The following MYO5B variants were observed in gnomAD, a reference collection of about 807,000 sequenced individuals.
The protein encoded by MYO5B is myosin VB, also known as unconventional myosin-Vb.
A neutral mutation model predicts 229.3 loss-of-function variants in MYO5B; 143 were observed. That is an observed-to-expected ratio of 0.62 (90% confidence interval 0.54 to 0.72). MYO5B has a LOEUF of 0.72. Among genes scored for constraint, MYO5B ranks in the 30% least tolerant of loss-of-function variants. The probability of loss-of-function intolerance (pLI) is 0.00; values close to 1 mark genes in which losing one functional copy is unlikely to be tolerated. For synonymous variants in MYO5B, 918 were observed against 885.2 expected, an observed-to-expected ratio of 1.04 and a Z score of -0.66; for missense variants, 2,321 against 2,331.0, an observed-to-expected ratio of 1.00 and a Z score of 0.09.
Position 49,837,805 on chromosome 18 carries a change from G to T in MYO5B, c.4853-3C>A. ...CTCATTTTCCAACATGGCAGAAACTGAAATAAAAGCACAGTTAGAGAAGCT... is the reference window on the plus strand; with the variant it reads ...CTCATTTTCCAACATGGCAGAAACTTAAATAAAAGCACAGTTAGAGAAGCT... On this transcript the variant is annotated splice_polypyrimidine_tract_variant and splice_region_variant and intron_variant, in intron 36 of 39. Coordinates refer to ENST00000285039, the MANE Select transcript of MYO5B (RefSeq NM_001080467.3). 6.2e-7 allele frequency: 1 copy of T among 1,613,924 alleles called. No individual in the cohort carries two copies. The highest frequency in any genetic ancestry group is 1.1e-5 in the South Asian group (1 of 91,034).
At chr18:50,120,039 C>A (rs1400412944) in intron 1 of MYO5B, among the ~76,000 whole-genome samples, 1 of 152,162 alleles carries the variant, frequency 6.6e-6, no homozygotes, top group Non-Finnish European at 1.5e-5. Flanking sequence ...CTAAAAAAGG[C>A]ATTAAACAGA....
At chr18:50,000,602 T>G (rs2026035602) in intron 5 of MYO5B, among the ~76,000 whole-genome samples, 2 of 152,220 alleles carry the variant, frequency 1.3e-5, no homozygotes, top group Non-Finnish European at 2.9e-5. Flanking sequence ...TAGCAAGATC[T>G]AGTTTTTAGC....
chr18:50,086,593 T>C (rs1480606412), intron 1 of MYO5B, among the ~76,000 whole-genome samples: 1 of 152,202 alleles, frequency 6.6e-6, no homozygotes. Flanking sequence ...ATGTGTACCA[T>C]ACACTGTGCA....
chr18:49,904,155 T>G (rs2024873817), intron 20 of MYO5B, among the ~76,000 whole-genome samples: 1 of 152,234 alleles, frequency 6.6e-6, no homozygotes, highest in African/African-American at 2.4e-5. Flanking sequence ...ATCCCCTATG[T>G]TGGAGATGGA....
intron 14 of MYO5B, among the ~76,000 whole-genome samples, chr18:49,951,878 A>G (rs1443676967): frequency 6.6e-6 from 1 of 152,160 alleles, no homozygotes; most frequent in East Asian, 1.9e-4. Context: ...GCTCCTCCCT[A>G]TGCCACCATC....
intron 9 of MYO5B, among the ~76,000 whole-genome samples, chr18:49,978,479 CCTCA>C (rs1452901846): frequency 2.0e-5 from 3 of 151,978 alleles, no homozygotes; most frequent in African/African-American, 4.8e-5. Flanking sequence ...TAACCATCAG[CCTCA>C]CTAAGATCTC....
chr18:50,013,163 A>G (rs1410866620), intron 4 of MYO5B, among the ~76,000 whole-genome samples: 1 of 152,238 alleles, frequency 6.6e-6, no homozygotes, highest in East Asian at 1.9e-4. Flanking sequence ...AGTGGGCCAG[A>G]AAAGACCCAA....
chr18:49,877,515 CCTT>C (rs1568622230), intron 25 of MYO5B, among the ~76,000 whole-genome samples: 1 of 152,162 alleles, frequency 6.6e-6, no homozygotes, highest in Non-Finnish European at 1.5e-5. Context: ...CAGAGATCCA[CCTT>C]CTTCTTTCCT....
intron 28 of MYO5B, 37 bp downstream of exon 28, chr18:49,864,104 C>A: frequency 2.5e-6 from 4 of 1,601,590 alleles, no homozygotes; most frequent in Non-Finnish European, 2.5e-6. Context: ...CTAGGGTCAC[C>A]CCTCGGCAGC....
At chr18:49,838,162 C>T (rs1001966540) in intron 36 of MYO5B, among the ~76,000 whole-genome samples, 2 of 152,152 alleles carry the variant, frequency 1.3e-5, no homozygotes, top group South Asian at 2.1e-4. Flanking sequence ...TTCATTGGTC[C>T]GTCATACTTA....
chr18:49,881,800 CAAAAAAA>C (rs10611314), intron 22 of MYO5B, among the ~76,000 whole-genome samples: 2 of 140,306 alleles, frequency 1.4e-5, no homozygotes. Flanking sequence ...GACTCCGTCT[CAAAAAAA>C]AAAAAAAAAA....
At chr18:49,922,692 T>C (rs747367576) in intron 17 of MYO5B, among the ~76,000 whole-genome samples, 11 of 151,980 alleles carry the variant, frequency 7.2e-5, no homozygotes, top group Non-Finnish European at 1.3e-4. Context: ...ATTCCACACA[T>C]TTAATTCACA....
intron 10 of MYO5B, among the ~76,000 whole-genome samples, chr18:49,970,148 G>C (rs929310574): frequency 3.3e-5 from 5 of 152,214 alleles, no homozygotes; most frequent in African/African-American, 1.2e-4. Context: ...GCAGGTTAAT[G>C]CAACCTGGAA....
At chr18:50,109,338 G>GC (rs1384582847) in intron 1 of MYO5B, among the ~76,000 whole-genome samples, 1 of 152,014 alleles carries the variant, frequency 6.6e-6, no homozygotes, top group Non-Finnish European at 1.5e-5. Context: ...TATGAGAAAT[G>GC]CCCCCAGAAG....
chr18:49,868,013 ATCATG>A (rs1204073972), intron 27 of MYO5B, among the ~76,000 whole-genome samples: 1 of 152,202 alleles, frequency 6.6e-6, no homozygotes, highest in Non-Finnish European at 1.5e-5. Context: ...AATTGTGATA[ATCATG>A]TCATAAAATT....
intron 1 of MYO5B, among the ~76,000 whole-genome samples, chr18:50,174,438 C>A (rs2032965589): frequency 6.6e-6 from 1 of 152,164 alleles, no homozygotes; most frequent in African/African-American, 2.4e-5. Context: ...GGGATGGAAG[C>A]CCTGCATTCC....
At chr18:49,848,783 T>C (rs889056682) in intron 32 of MYO5B, among the ~76,000 whole-genome samples, 3 of 152,000 alleles carry the variant, frequency 2.0e-5, no homozygotes, top group African/African-American at 7.3e-5. Flanking sequence ...CCAAAGTTGG[T>C]GGGCACATGG....
At chr18:49,906,693 A>G in intron 18 of MYO5B, 63 bp from the exon 19 acceptor site, 1 of 1,409,866 alleles carries the variant, frequency 7.1e-7, no homozygotes, top group Non-Finnish European at 1.0e-6. Context: ...CATGGCCCAT[A>G]CCACCCTTGT....
At chr18:50,141,857 T>C (rs2032423015) in intron 1 of MYO5B, among the ~76,000 whole-genome samples, 1 of 152,142 alleles carries the variant, frequency 6.6e-6, no homozygotes, top group African/African-American at 2.4e-5. Flanking sequence ...CCCAGTCCCA[T>C]TCCCTGCCTC....
Sources: gnomAD v4.1 joint callset for allele counts (sites outside exome capture counted in the v4.1 genomes callset) on GRCh38, gnomAD v4.1.1 for gene constraint, MANE v1.5 for transcripts, NCBI Gene and HGNC (gene_info 2026-07-23, HGNC 2026-07-21) for gene names.